CNP: variants seen among roughly 807,000 people sequenced by gnomAD.
CNP encodes the protein 2',3'-cyclic-nucleotide 3'-phosphodiesterase.
A neutral mutation model predicts 37.9 loss-of-function variants in CNP; 8 were observed. The observed-to-expected ratio is 0.21, with a 90% CI of 0.12 to 0.38. The LOEUF is 0.38. Ranked by LOEUF, CNP falls within the 10% of genes least tolerant of loss-of-function variation. CNP has a pLI of 1.00. For missense variants in CNP, 457 were observed against 551.0 expected, an observed-to-expected ratio of 0.83 and a Z score of 1.71; for synonymous variants, 237 against 238.3, an observed-to-expected ratio of 0.99 and a Z score of 0.05.
chr17:41,974,465 T>A lies in CNP; in HGVS notation c.*541T>A, dbSNP rs2051043033. 6.5e-6 allele frequency: 1 copy of A among 152,784 alleles called. No individual in the cohort carries two copies. The highest frequency in any genetic ancestry group is 1.9e-4 in the East Asian group (1 of 5,210). 9.5% of individuals were successfully genotyped at this position (152,784 alleles called of 1,614,324 possible). On this transcript the variant is annotated 3_prime_UTR_variant, in exon 4 of 4. Coordinates refer to ENST00000393892, the MANE Select transcript of CNP (RefSeq NM_033133.5). ...TTTTTAGAGACAGGGTCCTGCTATT[T>A]CCCAAGCTGGAGTGCAGTGGTGCGA...
At chr17:41,967,829 C>T (rs1598100141) in intron 1 of CNP, 2 of 1,371,252 alleles carry the variant, frequency 1.5e-6, no homozygotes, top group East Asian at 2.7e-5. Flanking sequence ...GCCTCCAGCA[C>T]GTTTACCTTT....
intron 2 of CNP, 140 bp from the exon 3 acceptor site, chr17:41,971,752 C>G: frequency 8.9e-7 from 1 of 1,126,646 alleles, no homozygotes; most frequent in Admixed American, 2.4e-5. Context: ...ACCAACTAAC[C>G]AATGAATGAG....
At chr17:41,967,894 C>A in intron 1 of CNP, 174 bp from the exon 2 acceptor site, 1 of 1,433,058 alleles carries the variant, frequency 7.0e-7, no homozygotes, top group African/African-American at 1.4e-5. Context: ...AGACAAGCTT[C>A]CCTCTTCCTC....
chr17:41,976,947 A>T lies in CNP; in HGVS notation c.*3023A>T. The T allele has an allele frequency of 2.8e-6, 2 of 716,604 alleles. No homozygotes were observed. Among genetic ancestry groups the T allele is most frequent in the Non-Finnish European group, 4.6e-6 (2 of 439,558 alleles). The allele number at this position is 716,604 out of a possible 1,614,324, so 44.4% of individuals were successfully genotyped here. A position where few individuals can be genotyped will look rare whatever the true frequency, so the allele number is the denominator to read the frequency against. On this transcript the variant is annotated 3_prime_UTR_variant, in exon 4 of 4. Transcript: ENST00000393892. ...GCAAGAGGGAGCACGTGACTGTATT[A>T]TACATGGGTAGCTTCTGACCTCAGC...
At position 41,973,840 on chromosome 17, in the gene CNP, C is replaced by T; in HGVS notation, c.1182C>T (p.Phe394=). The T allele has an allele frequency of 6.2e-7, 1 of 1,607,980 alleles. No individual in the cohort carries two copies. Among genetic ancestry groups the T allele is most frequent in the Non-Finnish European group, 8.5e-7 (1 of 1,176,726 alleles). The change falls in exon 4 of 4, where the codon TTC becomes TTT. Residue 394 remains phenylalanine, a synonymous_variant. Transcript: ENST00000393892. The part of the protein sequence containing the change: ...LAKNMEVRAI[F]TGYYGKGKPV... ...AGAACATGGAGGTCAGGGCCATCTTCACGGGGTACTACGGGAAAGGCAAAC... is the reference window on the plus strand; with the variant it reads ...AGAACATGGAGGTCAGGGCCATCTTTACGGGGTACTACGGGAAAGGCAAAC...
In CNP at chr17:41,968,120, G is replaced by A. The variant is rs782181859; in HGVS notation, c.56G>A (p.Arg19His). Reference sequence around the variant, plus strand: ...ACATTCCTGCCCAAGATCTTCTTCCGCAAGATGTCATCCTCAGGGGCCAAG... The same window carrying A: ...ACATTCCTGCCCAAGATCTTCTTCCACAAGATGTCATCCTCAGGGGCCAAG... ...SHTFLPKIFF[R>H]KMSSSGAKDK... Residue 19 changes from arginine to histidine, a missense_variant, in exon 2 of 4, where the codon CGC becomes CAC. Around this residue, in one of 2 missense-constraint regions of CNP, gnomAD observed 166 missense variants for 259.3 expected, o/e 0.64. Transcript: ENST00000393892. This position sits in a 1 kb window ranked among gnomAD's most constrained non-coding sequence, Gnocchi z 4.8. 3 of 1,614,188 alleles carry A rather than the reference G, an allele frequency of 1.9e-6. No homozygotes were observed. Among genetic ancestry groups the A allele is most frequent in the East Asian group, 4.5e-5 (2 of 44,870 alleles).
rs1318575355 is a variant in CNP at position 41,968,922 on chromosome 17, A to T, written c.676+182A>T. Among the ~76,000 whole-genome samples, 2 of 152,176 alleles carry T rather than the reference A, an allele frequency of 1.3e-5. No homozygotes were observed. The highest frequency in any genetic ancestry group is 3.9e-4 in the East Asian group (2 of 5,192). ...GGTAGCCTTGGGGAGTTGGCAGCAC[A>T]TTGGGAACACGGGGGCTTCCCAGAG... On this transcript the variant is annotated intron_variant, in intron 2 of 3. Coordinates refer to ENST00000393892, the MANE Select transcript of CNP (RefSeq NM_033133.5). This position sits in a 1 kb window ranked among gnomAD's most constrained non-coding sequence, Gnocchi z 4.8.
rs782717785 is a variant in CNP, at chr17:41,971,887, G to A, written c.677-5G>A. The A allele has an allele frequency of 1.1e-5, 17 of 1,613,476 alleles. No homozygotes were observed. Among genetic ancestry groups the A allele is most frequent in the East Asian group, 4.5e-5 (2 of 44,846 alleles). On this transcript the variant is annotated splice_polypyrimidine_tract_variant and splice_region_variant and intron_variant, in intron 2 of 3. Transcript: ENST00000393892. ...GCCCTGACTGCACCCGTTTTCTCCC[G>A]GCAGTCGTCCCTGGGGATGAGCCCA... is the stretch of plus-strand genomic sequence containing the variant.
At position 41,968,805 on chromosome 17, in the gene CNP, C is replaced by T. The variant is rs1269980280; in HGVS notation, c.676+65C>T. ...GGCACAGGGTGCTGCGGGCAAAGGA[C>T]CATCATTGTACTCAAAGGATGGAGC... is the stretch of plus-strand genomic sequence containing the variant. On this transcript the variant is annotated intron_variant, in intron 2 of 3. Coordinates refer to ENST00000393892, the MANE Select transcript of CNP (RefSeq NM_033133.5). The surrounding 1 kb of genome is among the most constrained non-coding windows in gnomAD (Gnocchi z 4.8). The T allele has an allele frequency of 8.1e-6, 12 of 1,489,720 alleles. No individual in the cohort carries two copies. Among genetic ancestry groups the T allele is most frequent in the Non-Finnish European group, 9.9e-6 (11 of 1,112,656 alleles). The allele number at this position is 1,489,720 out of a possible 1,614,324, so 92.3% of individuals were successfully genotyped here.
In CNP at chr17:41,968,932, C is replaced by G. The variant is rs1172181884; in HGVS notation, c.676+192C>G. On this transcript the variant is annotated intron_variant, in intron 2 of 3. Transcript: ENST00000393892. This position sits in a 1 kb window ranked among gnomAD's most constrained non-coding sequence, Gnocchi z 4.8. Reference sequence around the variant, plus strand: ...GGGAGTTGGCAGCACATTGGGAACACGGGGGCTTCCCAGAGCGCCTTTCCT... The same window carrying G: ...GGGAGTTGGCAGCACATTGGGAACAGGGGGGCTTCCCAGAGCGCCTTTCCT... Among the ~76,000 whole-genome samples the G allele has an allele frequency of 1.3e-5, 2 of 152,142 alleles. No homozygotes were observed. The highest frequency in any genetic ancestry group is 2.4e-5 in the African/African-American group (1 of 41,424).
Position 41,976,909 on chromosome 17 carries a change from G to T in CNP, c.*2985G>T. The T allele has an allele frequency of 8.9e-7, 1 of 1,123,228 alleles. No homozygotes were observed. Among genetic ancestry groups the T allele is most frequent in the Non-Finnish European group, 1.3e-6 (1 of 798,844 alleles). 69.6% of individuals were successfully genotyped at this position (1,123,228 alleles called of 1,614,324 possible). A position where few individuals can be genotyped will look rare whatever the true frequency, so the allele number is the denominator to read the frequency against. Reference sequence around the variant, plus strand: ...ACTCTATGGGTATCAAACAGCTCAGGCTGTTTTTGGGTGCAAGAGGGAGCA... The same window carrying T: ...ACTCTATGGGTATCAAACAGCTCAGTCTGTTTTTGGGTGCAAGAGGGAGCA... On this transcript the variant is annotated 3_prime_UTR_variant, in exon 4 of 4. Coordinates refer to ENST00000393892, the MANE Select transcript of CNP (RefSeq NM_033133.5).
Position 41,974,516 on chromosome 17 carries a change from C to G in CNP, c.*592C>G, listed in dbSNP as rs782739993. ...TCATGGCTCACTGCAGCCTCGAACT[C>G]CTGGGCTCAAGCAATCCTCCTGAGT... On this transcript the variant is annotated 3_prime_UTR_variant, in exon 4 of 4. Coordinates refer to ENST00000393892, the MANE Select transcript of CNP (RefSeq NM_033133.5). 1 of 153,526 alleles carries G rather than the reference C, an allele frequency of 6.5e-6. No homozygotes were observed. The highest frequency in any genetic ancestry group is 1.4e-5 in the Non-Finnish European group (1 of 69,204). 9.5% of individuals were successfully genotyped at this position (153,526 alleles called of 1,614,324 possible). A position where few individuals can be genotyped will look rare whatever the true frequency, so the allele number is the denominator to read the frequency against.
At position 41,966,857 on chromosome 17, in the gene CNP, G is replaced by A. The variant is rs914199719; in HGVS notation, c.-28G>A. 1 of 1,367,122 alleles carries A rather than the reference G, an allele frequency of 7.3e-7. No individual in the cohort carries two copies. The highest frequency in any genetic ancestry group is 9.4e-7 in the Non-Finnish European group (1 of 1,061,428). 84.7% of individuals were successfully genotyped at this position (1,367,122 alleles called of 1,614,324 possible). Reference sequence around the variant, plus strand: ...GCCCCGGAGCGCTGGTGCCGGCAGAGGCGGCGACGGTGGCGCCCCTCCTCA... The same window carrying A: ...GCCCCGGAGCGCTGGTGCCGGCAGAAGCGGCGACGGTGGCGCCCCTCCTCA... On this transcript the variant is annotated 5_prime_UTR_variant, in exon 1 of 4. Transcript: ENST00000393892.
chr17:41,967,261 T>G, intron 1 of CNP: 33 of 182,132 alleles, frequency 1.8e-4, no homozygotes, highest in East Asian at 3.8e-4. Flanking sequence ...GCGGAACCGC[T>G]GCCCCGCGCC....
At position 41,971,893 on chromosome 17, in the gene CNP, C is replaced by T. The variant is rs781900322; in HGVS notation, c.678C>T (p.Phe226=). 22 of 1,613,618 alleles carry T rather than the reference C, an allele frequency of 1.4e-5. No individual in the cohort carries two copies. The Middle Eastern group carries it at 5.0e-4, about 36-fold the overall frequency. ...ACTGCACCCGTTTTCTCCCGGCAGT[C>T]GTCCCTGGGGATGAGCCCAGGGAGA... ...HKAFKKELRQ[F]VPGDEPREKM... The change falls in exon 3 of 4, where the codon TTC becomes TTT. Residue 226 remains phenylalanine (F), a splice_region_variant and synonymous_variant. Transcript: ENST00000393892.
Position 41,968,152 on chromosome 17 carries a change from C to A in CNP, c.88C>A (p.Pro30Thr), listed in dbSNP as rs927838823. The change falls in exon 2 of 4, where the codon CCT (proline) becomes ACT (threonine). Residue 30 changes from proline to threonine, a missense_variant. This residue lies in a region of CNP where 166 missense variants were observed against 259.3 expected (regional missense o/e 0.64). Transcript: ENST00000393892. This position sits in a 1 kb window ranked among gnomAD's most constrained non-coding sequence, Gnocchi z 4.8. ...KMSSSGAKDKPELQFPFLQDE... is the reference protein window; with the variant it reads ...KMSSSGAKDKTELQFPFLQDE... ...GTCATCCTCAGGGGCCAAGGACAAG[C>A]CTGAGCTGCAGTTTCCCTTCCTTCA... The A allele has an allele frequency of 6.2e-7, 1 of 1,614,230 alleles. No homozygotes were observed. Among genetic ancestry groups the A allele is most frequent in the South Asian group, 1.1e-5 (1 of 91,082 alleles).
chr17:41,971,114 G>T (rs2050981212), intron 2 of CNP: 1 of 152,252 alleles, frequency 6.6e-6, no homozygotes, highest in African/African-American at 2.4e-5. Flanking sequence ...CCTAACTGTT[G>T]TGCTGGATTG....
intron 1 of CNP, 148 bp downstream of exon 1, chr17:41,967,035 TCTG>T (rs1197486812): frequency 5.4e-6 from 5 of 918,962 alleles, no homozygotes; most frequent in Non-Finnish European, 7.2e-6. Context: ...GGCCCTGAGG[TCTG>T]GGAGAAGCGG....
intron 3 of CNP, 91 bp downstream of exon 3, chr17:41,972,122 A>G: frequency 6.6e-7 from 1 of 1,506,452 alleles, no homozygotes. Flanking sequence ...GGTGCCAGGC[A>G]GGGACCAAAA....
Sources: allele counts gnomAD v4.1 joint callset (sites outside exome capture counted in the v4.1 genomes callset), GRCh38; gene constraint gnomAD v4.1.1; regional missense constraint gnomAD v4.1.1; non-coding constraint Gnocchi (gnomAD v3.1); transcripts MANE v1.5; gene names NCBI Gene and HGNC (gene_info 2026-07-23, HGNC 2026-07-21).